Variants in HTR2C observed in about 807,000 individuals in gnomAD.
HTR2C encodes 5-hydroxytryptamine (serotonin) receptor 2C, G protein-coupled.
In HTR2C, 5 loss-of-function variants were observed where a neutral mutation model predicts 21.0. The ratio of observed to expected loss-of-function variants is 0.24; its 90% CI spans 0.12 to 0.50. HTR2C has a LOEUF of 0.50. Ranked by LOEUF, HTR2C falls within the 20% of genes least tolerant of loss-of-function variation. The pLI, the probability that HTR2C is intolerant of heterozygous loss-of-function variation, is 0.98. For missense variants in HTR2C, 271 were observed against 371.2 expected (o/e 0.73, Z 2.22); for synonymous variants, 150 against 145.3 (o/e 1.03, Z -0.23).
chrX:114,705,419 C>G (rs1344359199), intron 2 of HTR2C, among the ~76,000 whole-genome samples: 2 of 109,141 alleles, frequency 1.8e-5, no homozygotes, highest in Non-Finnish European at 3.8e-5. Context: ...CTACAACTAT[C>G]TGATCTTTGA....
chrX:114,676,649 A>G (rs1484745463), intron 2 of HTR2C, among the ~76,000 whole-genome samples: 1 of 112,119 alleles, frequency 8.9e-6, no homozygotes, highest in Non-Finnish European at 1.9e-5. Flanking sequence ...TACTCATGAG[A>G]GTGTTTAAGT....
At chrX:114,586,054 C>T (rs1602617882) in intron 1 of HTR2C, among the ~76,000 whole-genome samples, 1 of 111,479 alleles carries the variant, frequency 9.0e-6, no homozygotes, top group East Asian at 2.8e-4. Context: ...AAGAAGTTTA[C>T]GTACATATCA....
chrX:114,703,351 A>G (rs1262901928), intron 2 of HTR2C, among the ~76,000 whole-genome samples: 1 of 110,834 alleles, frequency 9.0e-6, no homozygotes, highest in Non-Finnish European at 1.9e-5. Context: ...AGAAATTATA[A>G]CAAACTGTCT....
intron 1 of HTR2C, among the ~76,000 whole-genome samples, chrX:114,613,232 C>A (rs1432791787): frequency 8.9e-6 from 1 of 111,768 alleles, no homozygotes; most frequent in African/African-American, 3.3e-5. Context: ...AGCCACTGCG[C>A]CCTGCCCTGG....
chrX:114,584,557 C>A lies in HTR2C; in HGVS notation c.-249C>A, dbSNP rs1311825198. ...GCGCGCAGCGCAGCGCAGCTCAGCGCACCGACTGCCGCGGGCTCCGCTGGG... is the reference window on the plus strand; with the variant it reads ...GCGCGCAGCGCAGCGCAGCTCAGCGAACCGACTGCCGCGGGCTCCGCTGGG... On this transcript the variant is annotated 5_prime_UTR_variant, in exon 1 of 6. Coordinates refer to ENST00000276198, the MANE Select transcript of HTR2C (RefSeq NM_000868.4). 1.8e-5 allele frequency: 2 copies of A among 113,118 alleles called. No individual in the cohort carries two copies. The highest frequency in any genetic ancestry group is 1.8e-4 in the Admixed American group (2 of 10,824). 9.3% of individuals were successfully genotyped at this position (113,118 alleles called of 1,213,427 possible).
Position 114,907,812 on chromosome X carries a change from C to A in HTR2C, c.*397C>A. The A allele has an allele frequency of 7.3e-6, 1 of 136,121 alleles. No individual in the cohort carries two copies. The highest frequency in any genetic ancestry group is 1.5e-5 in the Non-Finnish European group (1 of 67,583). 11.2% of individuals were successfully genotyped at this position (136,121 alleles called of 1,213,427 possible). ...TGACAGTGGTTATATTTCAACCACA[C>A]CTAAATTAACAAATTCAGTGGACAT... is the stretch of plus-strand genomic sequence containing the variant. On this transcript the variant is annotated 3_prime_UTR_variant, in exon 6 of 6. Coordinates refer to ENST00000276198, the MANE Select transcript of HTR2C (RefSeq NM_000868.4).
At chrX:114,719,854 A>G (rs1163497900) in intron 2 of HTR2C, among the ~76,000 whole-genome samples, 6 of 111,678 alleles carry the variant, frequency 5.4e-5, no homozygotes, top group Non-Finnish European at 1.1e-4. Flanking sequence ...AAATGTGGCT[A>G]ATAAAGTGCT....
At chrX:114,648,437 G>A (rs1450591902) in intron 2 of HTR2C, among the ~76,000 whole-genome samples, 1 of 111,456 alleles carries the variant, frequency 9.0e-6, no homozygotes, top group Non-Finnish European at 1.9e-5. Context: ...TCCATTAAAA[G>A]TTATACAGGT....
intron 2 of HTR2C, among the ~76,000 whole-genome samples, chrX:114,644,363 A>ATAAAT (rs1930267803): frequency 3.0e-5 from 1 of 33,173 alleles, no homozygotes; most frequent in African/African-American, 1.6e-4. Flanking sequence ...AAATAAATAA[A>ATAAAT]TATATATATA....
intron 2 of HTR2C, among the ~76,000 whole-genome samples, chrX:114,663,355 G>GA (rs2147843226): frequency 9.0e-6 from 1 of 110,943 alleles, no homozygotes; most frequent in Non-Finnish European, 1.9e-5. Context: ...ATTTTTAAAT[G>GA]AAAAATGAAA....
At chrX:114,834,459 C>A (rs1252694548) in intron 4 of HTR2C, among the ~76,000 whole-genome samples, 3 of 109,012 alleles carry the variant, frequency 2.8e-5, no homozygotes, top group African/African-American at 1.0e-4. Context: ...TATGTAATGG[C>A]CTTGTTTGTC....
At chrX:114,601,320 A>G (rs1410404031) in intron 1 of HTR2C, among the ~76,000 whole-genome samples, 3 of 111,091 alleles carry the variant, frequency 2.7e-5, no homozygotes, top group African/African-American at 9.8e-5. Flanking sequence ...TGTGTGAGCA[A>G]CATGGCTGTT....
intron 4 of HTR2C, among the ~76,000 whole-genome samples, chrX:114,757,065 A>G (rs897369138): frequency 9.0e-6 from 1 of 111,284 alleles, no homozygotes; most frequent in African/African-American, 3.3e-5. Flanking sequence ...GTATAATAAT[A>G]CATATATGTG....
chrX:114,758,920 G>A (rs1161060940), intron 4 of HTR2C, among the ~76,000 whole-genome samples: 10 of 111,313 alleles, frequency 9.0e-5, no homozygotes, highest in Non-Finnish European at 1.9e-4. Context: ...TTTAACCTTA[G>A]GTGTACAGAA....
At chrX:114,624,143 G>A (rs782041515) in intron 2 of HTR2C, among the ~76,000 whole-genome samples, 74 of 109,397 alleles carry the variant, frequency 6.8e-4, no homozygotes, top group African/African-American at 2.4e-3. Context: ...TGATCCGCCC[G>A]CCTCAGCCTC....
chrX:114,630,448 A>G (rs1929566221), intron 2 of HTR2C, among the ~76,000 whole-genome samples: 1 of 112,129 alleles, frequency 8.9e-6, no homozygotes. Flanking sequence ...AACTAATGTC[A>G]GGTAGTGGAC....
At chrX:114,809,395 T>G (rs1409320895) in intron 4 of HTR2C, among the ~76,000 whole-genome samples, 9 of 106,441 alleles carry the variant, frequency 8.5e-5, no homozygotes, top group African/African-American at 3.1e-4. Flanking sequence ...TTTTGTTGTT[T>G]TTTTTTTGAC....
At chrX:114,719,535 C>T (rs895705172) in intron 2 of HTR2C, among the ~76,000 whole-genome samples, 1 of 111,315 alleles carries the variant, frequency 9.0e-6, no homozygotes, top group East Asian at 2.8e-4. Flanking sequence ...GAAACTCTTA[C>T]CACCAGTTCA....
rs1411059704 is a variant in HTR2C at position 114,701,616 on chromosome X, C to G, written c.-79-25242C>G. On this transcript the variant is annotated intron_variant, in intron 2 of 5. Coordinates refer to ENST00000276198, the MANE Select transcript of HTR2C (RefSeq NM_000868.4). The stretch of plus-strand genomic sequence containing the variant: ...ATAAAACCACAAAGATGGGAAAAAA[C>G]AGAGCAGAAAAACTGGAAACTCTAA... 3.6e-5 allele frequency among the ~76,000 whole-genome samples: 4 copies of G among 111,625 alleles called. No homozygotes were observed. In the Admixed American group the frequency reaches 3.8e-4, roughly 11 times the overall value.
Sources: gnomAD v4.1 joint callset for allele counts (sites outside exome capture counted in the v4.1 genomes callset) on GRCh38, gnomAD v4.1.1 for gene constraint, MANE v1.5 for transcripts, NCBI Gene and HGNC (gene_info 2026-07-23, HGNC 2026-07-21) for gene names.